Variants in FBXL7 observed in about 807,000 individuals in gnomAD.
The protein encoded by FBXL7 is F-box and leucine rich repeat protein 7.
FBXL7 carries 12 observed loss-of-function variants against 38.3 expected under a neutral mutation model. The ratio of observed to expected loss-of-function variants is 0.31; its 90% confidence interval spans 0.20 to 0.51. The LOEUF is 0.51. FBXL7 is among the 20% of genes least tolerant of loss of function. FBXL7 has a pLI of 0.98. For synonymous variants in FBXL7, 297 were observed against 300.9 expected (o/e 0.99, Z 0.13); for missense variants, 567 against 676.4 (o/e 0.84, Z 1.79).
In FBXL7 at chr5:15,793,581, A is replaced by G. The variant is rs942540690; in HGVS notation, c.128-134309A>G. On this transcript the variant is annotated intron_variant, in intron 2 of 3. Coordinates refer to ENST00000504595, the MANE Select transcript of FBXL7 (RefSeq NM_012304.5). ...GTTGCTAGGTTCAAGAGGTTAGAAC[A>G]TGAACATATCTTTATGGAGGCAACC... is the stretch of plus-strand genomic sequence containing the variant. Among the ~76,000 whole-genome samples, 3 of 152,340 alleles carry G rather than the reference A, an allele frequency of 2.0e-5. No individual in the cohort carries two copies. The East Asian group carries it at 5.8e-4, about 29-fold the overall frequency.
At chr5:15,585,358 A>C (rs1294834403) in intron 1 of FBXL7, among the ~76,000 whole-genome samples, 1 of 152,242 alleles carries the variant, frequency 6.6e-6, no homozygotes, top group Non-Finnish European at 1.5e-5. Context: ...TTTAGAAATG[A>C]TGACAAATAA....
At chr5:15,713,187 G>A (rs1297479572) in intron 2 of FBXL7, among the ~76,000 whole-genome samples, 1 of 152,220 alleles carries the variant, frequency 6.6e-6, no homozygotes, top group Non-Finnish European at 1.5e-5. Flanking sequence ...GGCAGAAGGT[G>A]AAAGGTCCAT....
intron 1 of FBXL7, among the ~76,000 whole-genome samples, chr5:15,590,667 G>A (rs1025329224): frequency 6.6e-6 from 1 of 151,886 alleles, no homozygotes; most frequent in African/African-American, 2.4e-5. Context: ...CCCCCAATCA[G>A]GTCTGAGCAA....
intron 1 of FBXL7, among the ~76,000 whole-genome samples, chr5:15,550,619 C>T (rs1321023540): frequency 6.6e-6 from 1 of 152,214 alleles, no homozygotes; most frequent in Non-Finnish European, 1.5e-5. Context: ...CAGAGGTAGA[C>T]CCAGGTTCTT....
At chr5:15,913,272 T>G (rs1052518187) in intron 2 of FBXL7, among the ~76,000 whole-genome samples, 2 of 150,234 alleles carry the variant, frequency 1.3e-5, no homozygotes, top group Middle Eastern at 3.4e-3. Context: ...TTTATTAATT[T>G]TTTTTTTTAT....
chr5:15,576,844 T>G (rs1450987883), intron 1 of FBXL7, among the ~76,000 whole-genome samples: 2 of 152,182 alleles, frequency 1.3e-5, no homozygotes, highest in Non-Finnish European at 2.9e-5. Flanking sequence ...TCTGCTACTC[T>G]GATTATCTGT....
chr5:15,806,169 T>C (rs1217079290), intron 2 of FBXL7, among the ~76,000 whole-genome samples: 1 of 152,180 alleles, frequency 6.6e-6, no homozygotes, highest in Admixed American at 6.5e-5. Flanking sequence ...ACTTAACTCT[T>C]TTGTTACACT....
chr5:15,660,963 C>T (rs767472150), intron 2 of FBXL7, among the ~76,000 whole-genome samples: 41 of 152,038 alleles, frequency 2.7e-4, no homozygotes, highest in Non-Finnish European at 5.0e-4. Flanking sequence ...TTTCCTATGA[C>T]ACATTGTGGC....
intron 2 of FBXL7, among the ~76,000 whole-genome samples, chr5:15,654,324 GA>G (rs1741805630): frequency 6.6e-6 from 1 of 150,766 alleles, no homozygotes; most frequent in African/African-American, 2.4e-5. Flanking sequence ...AATTGAGAAA[GA>G]AGCCAGGGAA....
chr5:15,846,897 A>G (rs140124000), intron 2 of FBXL7, among the ~76,000 whole-genome samples: 3 of 152,334 alleles, frequency 2.0e-5, no homozygotes, highest in Admixed American at 2.0e-4. Context: ...ATTATGCTCA[A>G]TCTTTTTTTC....
At chr5:15,715,489 CAAAAAA>C (rs1157372026) in intron 2 of FBXL7, among the ~76,000 whole-genome samples, 3 of 75,298 alleles carry the variant, frequency 4.0e-5, no homozygotes, top group African/African-American at 6.0e-5. Flanking sequence ...GACTCCGTCT[CAAAAAA>C]AAAAAAAAAA....
chr5:15,802,879 C>G (rs1292908109), intron 2 of FBXL7, among the ~76,000 whole-genome samples: 2 of 152,118 alleles, frequency 1.3e-5, no homozygotes, highest in African/African-American at 4.8e-5. Flanking sequence ...TTTCAAACTC[C>G]CAACCTCAGG....
chr5:15,632,458 C>A (rs942662643), intron 2 of FBXL7, among the ~76,000 whole-genome samples: 3 of 152,142 alleles, frequency 2.0e-5, no homozygotes, highest in African/African-American at 7.2e-5. Context: ...CTGTGGAAAG[C>A]AGTTTGGAGA....
intron 2 of FBXL7, among the ~76,000 whole-genome samples, chr5:15,925,037 C>T (rs540657222): frequency 6.6e-6 from 1 of 151,992 alleles, no homozygotes; most frequent in African/African-American, 2.4e-5. Context: ...GTCACATGGA[C>T]AAGCCCTATG....
intron 2 of FBXL7, among the ~76,000 whole-genome samples, chr5:15,620,539 C>T (rs1202725506): frequency 2.0e-5 from 3 of 151,940 alleles, no homozygotes; most frequent in Non-Finnish European, 2.9e-5. Flanking sequence ...CGTGAGCCAC[C>T]GCACCTGGCC....
chr5:15,929,625 G>GAAAAAAAAAAAAAAAA (rs60269538), intron 3 of FBXL7, among the ~76,000 whole-genome samples: 1 of 113,518 alleles, frequency 8.8e-6, no homozygotes. Flanking sequence ...CCCTGTCTCT[G>GAAAAAAAAAAAAAAAA]AAAAAAAAAA....
intron 2 of FBXL7, among the ~76,000 whole-genome samples, chr5:15,771,835 T>C (rs1428358171): frequency 6.6e-6 from 1 of 151,338 alleles, no homozygotes; most frequent in Non-Finnish European, 1.5e-5. Flanking sequence ...GAGTGCGATC[T>C]TGGCTCACTG....
intron 2 of FBXL7, among the ~76,000 whole-genome samples, chr5:15,770,432 A>T (rs1353544943): frequency 2.0e-5 from 3 of 152,136 alleles, no homozygotes; most frequent in Non-Finnish European, 4.4e-5. Context: ...CTCCCTATCC[A>T]TCCATTTTTA....
intron 2 of FBXL7, among the ~76,000 whole-genome samples, chr5:15,735,132 C>T (rs1163528797): frequency 6.6e-6 from 1 of 152,158 alleles, no homozygotes; most frequent in Non-Finnish European, 1.5e-5. Flanking sequence ...AGAGTTTCAC[C>T]ATGTTAGCCA....
Sources: allele counts gnomAD v4.1 joint callset (sites outside exome capture counted in the v4.1 genomes callset), GRCh38; gene constraint gnomAD v4.1.1; transcripts MANE v1.5; gene names NCBI Gene and HGNC (gene_info 2026-07-23, HGNC 2026-07-21).